PTPRD: variants seen among roughly 807,000 people sequenced by gnomAD.
PTPRD encodes the protein protein tyrosine phosphatase receptor type D.
PTPRD carries 34 observed loss-of-function variants against 214.5 expected under a neutral mutation model. That is an observed-to-expected ratio of 0.16 (90% CI 0.12 to 0.21). The LOEUF is 0.21. PTPRD is among the 10% of genes least tolerant of loss of function. The pLI is 1.00. For synonymous variants in PTPRD, 1,128 were observed against 845.7 expected (o/e 1.33, Z -5.79); for missense variants, 2,545 against 2,398.7 (o/e 1.06, Z -1.27).
chr9:10,501,701 C>A (rs1393178356), intron 2 of PTPRD, among the ~76,000 whole-genome samples: 1 of 151,914 alleles, frequency 6.6e-6, no homozygotes, highest in Admixed American at 6.6e-5. Flanking sequence ...TTTCCTAGTA[C>A]TGATAGGGAA....
At chr9:9,342,907 T>C (rs913263869) in intron 9 of PTPRD, among the ~76,000 whole-genome samples, 2 of 151,808 alleles carry the variant, frequency 1.3e-5, no homozygotes, top group South Asian at 2.1e-4. Flanking sequence ...TTCTCCTCCC[T>C]GTATGTGATG....
intron 5 of PTPRD, among the ~76,000 whole-genome samples, chr9:9,848,127 AAC>A (rs1225125563): frequency 6.6e-6 from 1 of 152,168 alleles, no homozygotes; most frequent in Non-Finnish European, 1.5e-5. Context: ...AAACAGCTGT[AAC>A]ACGCTTCAGA....
intron 11 of PTPRD, among the ~76,000 whole-genome samples, chr9:9,014,658 A>T (rs1183872552): frequency 6.6e-6 from 1 of 152,176 alleles, no homozygotes; most frequent in Non-Finnish European, 1.5e-5. Flanking sequence ...ATCAAGCAGT[A>T]TATTTACATG....
chr9:10,338,333 C>T (rs1166776270), intron 3 of PTPRD, among the ~76,000 whole-genome samples: 3 of 151,582 alleles, frequency 2.0e-5, no homozygotes, highest in African/African-American at 7.3e-5. Context: ...AGACAGTTGC[C>T]TGAAATTTAA....
At chr9:9,054,955 T>C (rs1461248438) in intron 10 of PTPRD, among the ~76,000 whole-genome samples, 1 of 152,172 alleles carries the variant, frequency 6.6e-6, no homozygotes, top group Non-Finnish European at 1.5e-5. Context: ...GGGATGTCTA[T>C]ATAACATGAT....
intron 12 of PTPRD, among the ~76,000 whole-genome samples, chr9:8,673,138 T>C (rs1340019324): frequency 1.3e-5 from 2 of 152,180 alleles, no homozygotes; most frequent in Non-Finnish European, 2.9e-5. Flanking sequence ...ATTTTTTTTT[T>C]TCTCTGAGAA....
rs536236785 is a variant in PTPRD, at chr9:10,297,592, TTC to T, written c.-545+43369_-545+43370del. Among the ~76,000 whole-genome samples the T allele has an allele frequency of 1.5e-3, 228 of 149,218 alleles. 2 individuals are homozygous for T. The highest frequency in any genetic ancestry group is 5.5e-3 in the African/African-American group (221 of 39,872). On this transcript the variant is annotated intron_variant, in intron 3 of 45. Transcript: ENST00000381196. ...TGTAATGAGTTGTGTTTTTTTTTTT[TTC>T]CCTAAAAATATGCAAGTTGCTGGTG...
At chr9:8,648,398 G>T (rs1056779139) in intron 12 of PTPRD, among the ~76,000 whole-genome samples, 2 of 152,092 alleles carry the variant, frequency 1.3e-5, no homozygotes, top group Non-Finnish European at 2.9e-5. Flanking sequence ...AATAACCACT[G>T]GTTTAGTGAC....
intron 5 of PTPRD, among the ~76,000 whole-genome samples, chr9:9,781,900 C>T (rs1391920827): frequency 6.6e-6 from 1 of 151,786 alleles, no homozygotes; most frequent in Non-Finnish European, 1.5e-5. Context: ...TCACGCCATT[C>T]TCCTGCCTCA....
chr9:9,829,366 TG>T (rs933717490), intron 5 of PTPRD, among the ~76,000 whole-genome samples: 1 of 151,848 alleles, frequency 6.6e-6, no homozygotes, highest in African/African-American at 2.4e-5. Context: ...TATTTATTCA[TG>T]GGTATTAAGC....
chr9:8,575,512 C>T (rs140208863), intron 14 of PTPRD, among the ~76,000 whole-genome samples: 1 of 152,068 alleles, frequency 6.6e-6, no homozygotes, highest in Non-Finnish European at 1.5e-5. Flanking sequence ...TAGTAAGTAT[C>T]CTTCGTTACT....
At chr9:9,682,007 A>G (rs1054052312) in intron 7 of PTPRD, among the ~76,000 whole-genome samples, 1 of 151,588 alleles carries the variant, frequency 6.6e-6, no homozygotes. Context: ...ATCATTACCC[A>G]CTCTCTTTCT....
At chr9:9,208,926 G>A (rs574013276) in intron 9 of PTPRD, among the ~76,000 whole-genome samples, 2 of 151,810 alleles carry the variant, frequency 1.3e-5, no homozygotes, top group Non-Finnish European at 2.9e-5. Context: ...TCTTGCCTCA[G>A]CCTCCCGAGT....
intron 3 of PTPRD, among the ~76,000 whole-genome samples, chr9:10,185,262 T>C (rs912837101): frequency 6.6e-6 from 1 of 152,128 alleles, no homozygotes; most frequent in African/African-American, 2.4e-5. Flanking sequence ...GGTTTTCAAC[T>C]ACCAGGATAT....
chr9:8,598,624 C>G (rs780552461), intron 14 of PTPRD, among the ~76,000 whole-genome samples: 1 of 152,074 alleles, frequency 6.6e-6, no homozygotes, highest in Non-Finnish European at 1.5e-5. Flanking sequence ...CAGATCATGC[C>G]TTTTAACACA....
chr9:9,029,470 CT>C (rs1159134602), intron 10 of PTPRD, among the ~76,000 whole-genome samples: 3 of 145,722 alleles, frequency 2.1e-5, no homozygotes, highest in Non-Finnish European at 3.0e-5. Context: ...GCAGTGTACA[CT>C]TTTTTTTGTG....
At position 10,157,501 on chromosome 9, in the gene PTPRD, G is replaced by A. The variant is rs569463952; in HGVS notation, c.-544-123711C>T. ...AGTAGTGTCTCTGCTGAGAGGTCTG[G>A]TGTTAGTCTCACGGGCTTCCCTTTG... is the stretch of plus-strand genomic sequence containing the variant. On this transcript the variant is annotated intron_variant, in intron 3 of 45. Transcript: ENST00000381196. Among the ~76,000 whole-genome samples the A allele has an allele frequency of 5.3e-5, 8 of 152,226 alleles. No individual in the cohort carries two copies. The East Asian group carries it at 1.5e-3, about 29-fold the overall frequency.
chr9:8,921,173 T>G (rs1162840452), intron 11 of PTPRD, among the ~76,000 whole-genome samples: 1 of 152,180 alleles, frequency 6.6e-6, no homozygotes, highest in African/African-American at 2.4e-5. Context: ...CTGGAATCTG[T>G]GAGGCTATTC....
intron 30 of PTPRD, among the ~76,000 whole-genome samples, chr9:8,473,139 C>T (rs2096689380): frequency 6.6e-6 from 1 of 152,116 alleles, no homozygotes; most frequent in South Asian, 2.1e-4. Context: ...TTCTTTTCCC[C>T]TAATGGAGAA....
Sources: allele counts gnomAD v4.1 joint callset (sites outside exome capture counted in the v4.1 genomes callset), GRCh38; gene constraint gnomAD v4.1.1; transcripts MANE v1.5; gene names NCBI Gene and HGNC (gene_info 2026-07-23, HGNC 2026-07-21).